Variants in GRM7 observed in about 807,000 individuals in gnomAD.
The protein encoded by GRM7 is glutamate metabotropic receptor 7.
GRM7 carries 35 observed loss-of-function variants against 84.5 expected under a neutral mutation model. The ratio of observed to expected loss-of-function variants is 0.41; its 90% confidence interval spans 0.32 to 0.55. GRM7 has a LOEUF of 0.55. GRM7 is among the 20% of genes least tolerant of loss of function. The pLI is 0.19. For missense variants in GRM7, 1,003 were observed against 1,194.6 expected, an observed-to-expected ratio of 0.84 and a Z score of 2.36; for synonymous variants, 487 against 455.1, an observed-to-expected ratio of 1.07 and a Z score of -0.89.
chr3:7,644,457 A>G (rs1698529639), intron 8 of GRM7, among the ~76,000 whole-genome samples: 1 of 152,180 alleles, frequency 6.6e-6, no homozygotes, highest in Non-Finnish European at 1.5e-5. Flanking sequence ...TTTGATGTAT[A>G]TTATGTTAGA....
chr3:6,985,560 T>C (rs1252710043), intron 1 of GRM7, among the ~76,000 whole-genome samples: 1 of 152,236 alleles, frequency 6.6e-6, no homozygotes, highest in Non-Finnish European at 1.5e-5. Flanking sequence ...GTATGCCTGA[T>C]GGATCTTGTG....
intron 1 of GRM7, among the ~76,000 whole-genome samples, chr3:6,864,983 G>C (rs747252800): frequency 2.0e-5 from 3 of 152,172 alleles, no homozygotes; most frequent in Non-Finnish European, 4.4e-5. Context: ...ACACTGAGTG[G>C]GTTAGTACGA....
intron 4 of GRM7, among the ~76,000 whole-genome samples, chr3:7,371,455 A>C (rs1316573980): frequency 6.6e-6 from 1 of 152,202 alleles, no homozygotes; most frequent in African/African-American, 2.4e-5. Context: ...TACAAAACTT[A>C]GGATAAAAGA....
At chr3:7,502,193 C>A (rs1699905119) in intron 7 of GRM7, among the ~76,000 whole-genome samples, 1 of 152,186 alleles carries the variant, frequency 6.6e-6, no homozygotes, top group Non-Finnish European at 1.5e-5. Context: ...AAGCCCTCAT[C>A]TCAGTGACTG....
intron 8 of GRM7, among the ~76,000 whole-genome samples, chr3:7,592,258 TA>T (rs542665836): frequency 1.2e-3 from 180 of 144,538 alleles, no homozygotes; most frequent in South Asian, 0.012. Context: ...GTGGCAAATA[TA>T]AAAAAAAAAG....
At chr3:7,632,008 A>G (rs1191074820) in intron 8 of GRM7, among the ~76,000 whole-genome samples, 3 of 152,214 alleles carry the variant, frequency 2.0e-5, no homozygotes, top group African/African-American at 7.2e-5. Context: ...AAGGAGGCCT[A>G]AGGGAAGACA....
chr3:7,226,510 CAG>C (rs1202104877), intron 2 of GRM7, among the ~76,000 whole-genome samples: 4 of 152,130 alleles, frequency 2.6e-5, no homozygotes, highest in South Asian at 2.1e-4. Context: ...CAGTCAAAGA[CAG>C]AGTTCTGTAT....
intron 5 of GRM7, among the ~76,000 whole-genome samples, chr3:7,435,392 G>A (rs779663509): frequency 1.3e-5 from 2 of 152,032 alleles, no homozygotes; most frequent in Non-Finnish European, 2.9e-5. Context: ...CTGAGCTCAA[G>A]AGATCCACCC....
chr3:7,656,545 G>GCT (rs1288626812), intron 8 of GRM7, among the ~76,000 whole-genome samples: 1 of 120,350 alleles, frequency 8.3e-6, no homozygotes, highest in African/African-American at 3.9e-5. Flanking sequence ...ATATACGCGC[G>GCT]CGCACACACA....
intron 2 of GRM7, among the ~76,000 whole-genome samples, chr3:7,285,749 C>G (rs868161278): frequency 6.6e-6 from 1 of 152,116 alleles, no homozygotes. Flanking sequence ...TAAGTAACCT[C>G]TAACCTTGAT....
At chr3:7,329,586 T>C (rs1031188344) in intron 4 of GRM7, among the ~76,000 whole-genome samples, 2 of 152,216 alleles carry the variant, frequency 1.3e-5, no homozygotes, top group African/African-American at 4.8e-5. Context: ...GAGTGATATG[T>C]GTACTATAAA....
intron 8 of GRM7, among the ~76,000 whole-genome samples, chr3:7,609,744 T>C (rs965555227): frequency 2.6e-5 from 4 of 152,134 alleles, no homozygotes; most frequent in Non-Finnish European, 5.9e-5. Flanking sequence ...GCTAGAAATA[T>C]AGTATGATCA....
intron 1 of GRM7, among the ~76,000 whole-genome samples, chr3:7,100,904 C>G (rs1013047310): frequency 6.6e-6 from 1 of 151,644 alleles, no homozygotes; most frequent in African/African-American, 2.4e-5. Context: ...TTTTGAGATT[C>G]ATCTATATTG....
At chr3:7,584,557 G>T (rs1206221976) in intron 8 of GRM7, among the ~76,000 whole-genome samples, 1 of 152,206 alleles carries the variant, frequency 6.6e-6, no homozygotes, top group Non-Finnish European at 1.5e-5. Flanking sequence ...GTCAGCAGAA[G>T]TTTCTAAATG....
intron 7 of GRM7, among the ~76,000 whole-genome samples, chr3:7,535,512 A>G (rs961387654): frequency 3.3e-5 from 5 of 152,224 alleles, no homozygotes; most frequent in Admixed American, 2.0e-4. Flanking sequence ...CCATAGACAC[A>G]GGAGGCACCT....
intron 1 of GRM7, among the ~76,000 whole-genome samples, chr3:6,939,278 T>C: frequency 6.6e-6 from 1 of 152,192 alleles, no homozygotes; most frequent in Non-Finnish European, 1.5e-5. Context: ...CCCAGTTTTG[T>C]GAGTCATGTG....
At chr3:7,485,896 A>G (rs1312894393) in intron 7 of GRM7, among the ~76,000 whole-genome samples, 2 of 152,218 alleles carry the variant, frequency 1.3e-5, no homozygotes, top group Non-Finnish European at 2.9e-5. Flanking sequence ...AAGTTGAAGT[A>G]CTTAAATACT....
chr3:7,449,837 A>G (rs1218813543), intron 5 of GRM7, among the ~76,000 whole-genome samples: 1 of 152,170 alleles, frequency 6.6e-6, no homozygotes, highest in East Asian at 1.9e-4. Context: ...TTTAACTTAA[A>G]AAATTATAGA....
intron 8 of GRM7, among the ~76,000 whole-genome samples, chr3:7,611,297 T>A (rs541330124): frequency 6.6e-6 from 1 of 152,240 alleles, no homozygotes; most frequent in Non-Finnish European, 1.5e-5. Flanking sequence ...GTTGCCGTAG[T>A]GTATCAAGGG....
Sources: allele counts gnomAD v4.1 joint callset (sites outside exome capture counted in the v4.1 genomes callset), GRCh38; gene constraint gnomAD v4.1.1; transcripts MANE v1.5; gene names NCBI Gene and HGNC (gene_info 2026-07-23, HGNC 2026-07-21).